TPO: variants seen among roughly 807,000 people sequenced by gnomAD.
The protein encoded by TPO is thyroid microsomal antigen.
A neutral mutation model predicts 96.9 loss-of-function variants in TPO; 78 were observed. The ratio of observed to expected loss-of-function variants is 0.81; its 90% CI spans 0.67 to 0.97. The LOEUF is 0.97. TPO is among the 50% of genes least tolerant of loss of function. The pLI is 0.00. For missense variants in TPO, 1,252 were observed against 1,274.8 expected, an observed-to-expected ratio of 0.98 and a Z score of 0.27; for synonymous variants, 547 against 538.0, an observed-to-expected ratio of 1.02 and a Z score of -0.23.
intron 7 of TPO, among the ~76,000 whole-genome samples, chr2:1,472,128 G>A (rs1460029222): frequency 6.6e-6 from 1 of 151,056 alleles, no homozygotes; most frequent in Non-Finnish European, 1.5e-5. Flanking sequence ...CCTGTGATCT[G>A]AACGCTCATA....
chr2:1,505,630 A>G (rs1673365076), intron 14 of TPO, among the ~76,000 whole-genome samples: 1 of 151,960 alleles, frequency 6.6e-6, no homozygotes, highest in South Asian at 2.1e-4. Context: ...TCTAAAAAAA[A>G]AGTGATAAAT....
intron 10 of TPO, among the ~76,000 whole-genome samples, chr2:1,489,068 C>G (rs956922672): frequency 6.6e-6 from 1 of 151,812 alleles, no homozygotes; most frequent in South Asian, 2.1e-4. Flanking sequence ...ACATGCCCGG[C>G]ACATGCCCAG....
chr2:1,422,322 C>T (rs1170919966), intron 2 of TPO, among the ~76,000 whole-genome samples: 1 of 132,722 alleles, frequency 7.5e-6, no homozygotes, highest in African/African-American at 2.8e-5. Context: ...GGACAGACCT[C>T]GTGCAGGCGC....
At position 1,493,963 on chromosome 2, in the gene TPO, C is replaced by T. The variant is rs549222611; in HGVS notation, c.1930C>T (p.Leu644Phe). The change falls in exon 11 of 17, where the codon CTC becomes TTC. Residue 644 changes from leucine to phenylalanine, a missense_variant. Transcript: ENST00000329066. ...GCTGGGAGGCTTAGCTGAAAACTTC[C>T]TCCCCAGGGCTCGGACAGGGCCCCT... ...VWLGGLAENF[L>F]PRARTGPLFA... The T allele has an allele frequency of 1.9e-6, 3 of 1,614,220 alleles. No individual in the cohort carries two copies. The African/African-American group carries it at 4.0e-5, about 22-fold the overall frequency.
chr2:1,461,489 G>A (rs1334544986), intron 7 of TPO, among the ~76,000 whole-genome samples: 1 of 152,146 alleles, frequency 6.6e-6, no homozygotes, highest in Non-Finnish European at 1.5e-5. Flanking sequence ...CCTGCCTCAG[G>A]GGAGGAATTG....
intron 14 of TPO, among the ~76,000 whole-genome samples, chr2:1,509,341 A>G (rs1673825301): frequency 1.3e-5 from 2 of 151,950 alleles, no homozygotes; most frequent in Admixed American, 6.6e-5. Flanking sequence ...TTTCAGGGAC[A>G]CCACACCCTC....
intron 1 of TPO, among the ~76,000 whole-genome samples, chr2:1,387,937 C>A (rs925889215): frequency 6.6e-6 from 1 of 152,168 alleles, no homozygotes; most frequent in African/African-American, 2.4e-5. Context: ...CAGACAGGAC[C>A]CTCAGCTGCA....
chr2:1,488,032 G>A (rs1365796631), intron 10 of TPO, 41 bp downstream of exon 10: 1 of 1,610,644 alleles, frequency 6.2e-7, no homozygotes, highest in Admixed American at 1.7e-5. Context: ...TGCAGCTGCT[G>A]CGGGATTTGC....
intron 15 of TPO, among the ~76,000 whole-genome samples, chr2:1,526,167 C>A (rs1170739265): frequency 1.9e-5 from 2 of 104,936 alleles, no homozygotes; most frequent in Non-Finnish European, 3.9e-5. Context: ...CAAATCCCCC[C>A]ACTGTGTGCA....
intron 1 of TPO, among the ~76,000 whole-genome samples, chr2:1,375,376 A>G (rs1276671684): frequency 1.3e-5 from 2 of 152,106 alleles, no homozygotes; most frequent in Non-Finnish European, 2.9e-5. Flanking sequence ...TGTTGCTAAG[A>G]TTGAGAATGT....
intron 2 of TPO, among the ~76,000 whole-genome samples, chr2:1,415,115 C>G (rs1341470041): frequency 1.4e-5 from 2 of 144,308 alleles, no homozygotes; most frequent in African/African-American, 5.2e-5. Context: ...GGTGACACCT[C>G]GCCGGGCAGG....
At position 1,496,767 on chromosome 2, in the gene TPO, T is replaced by G; in HGVS notation, c.2386+2T>G. Reference sequence around the variant, plus strand: ...ATTTCCAGCCTCCCCTCTGCAAAGGTCAGTCCTTTCTTCAATGACAATTAC... The same window carrying G: ...ATTTCCAGCCTCCCCTCTGCAAAGGGCAGTCCTTTCTTCAATGACAATTAC... On this transcript the variant is annotated splice_donor_variant, in intron 13 of 16. Coordinates refer to ENST00000329066, the MANE Select transcript of TPO (RefSeq NM_001206744.2). LOFTEE classifies it high-confidence loss of function. The G allele has an allele frequency of 6.2e-7, 1 of 1,614,124 alleles. No individual in the cohort carries two copies. The highest frequency in any genetic ancestry group is 8.5e-7 in the Non-Finnish European group (1 of 1,180,032).
intron 14 of TPO, chr2:1,512,592 C>T (rs773891526): frequency 9.5e-6 from 6 of 634,598 alleles, no homozygotes; most frequent in Admixed American, 6.3e-5. Flanking sequence ...CCGCAGAACA[C>T]GTCTTCCCGC....
intron 10 of TPO, among the ~76,000 whole-genome samples, chr2:1,488,281 A>G (rs28911485): frequency 0.015 from 2,254 of 152,236 alleles, 55 homozygotes; most frequent in African/African-American, 0.052. Context: ...GCGCGGGCAG[A>G]CAATGGCAGG....
chr2:1,403,857 G>A (rs1394874734), intron 1 of TPO, among the ~76,000 whole-genome samples: 2 of 152,180 alleles, frequency 1.3e-5, no homozygotes, highest in Non-Finnish European at 2.9e-5. Flanking sequence ...TGCACGCAGC[G>A]GCAGCATGGA....
intron 8 of TPO, chr2:1,478,006 C>G: frequency 1.0e-6 from 1 of 985,458 alleles, no homozygotes; most frequent in Non-Finnish European, 1.2e-6. Context: ...CAGATTTCAA[C>G]TCATTTAATA....
chr2:1,480,757 A>T (rs1670508249), intron 8 of TPO, among the ~76,000 whole-genome samples: 2 of 150,904 alleles, frequency 1.3e-5, no homozygotes, highest in Middle Eastern at 3.4e-3. Flanking sequence ...GCATCCGTCC[A>T]CACCACCTCC....
At chr2:1,393,485 G>T (rs1262541309) in intron 1 of TPO, among the ~76,000 whole-genome samples, 1 of 152,224 alleles carries the variant, frequency 6.6e-6, no homozygotes, top group Non-Finnish European at 1.5e-5. Context: ...GGTGTTGGGG[G>T]AGGGCCTGGG....
At chr2:1,476,364 G>A (rs1669932571) in intron 7 of TPO, among the ~76,000 whole-genome samples, 1 of 152,150 alleles carries the variant, frequency 6.6e-6, no homozygotes, top group Admixed American at 6.5e-5. Context: ...AGCCCACAGA[G>A]CTCGACTCTT....
Sources: gnomAD v4.1 joint callset for allele counts (sites outside exome capture counted in the v4.1 genomes callset) on GRCh38, gnomAD v4.1.1 for gene constraint, MANE v1.5 for transcripts, NCBI Gene and HGNC (gene_info 2026-07-23, HGNC 2026-07-21) for gene names.